The following TBCK variants were observed in gnomAD, a reference collection of about 807,000 sequenced individuals.
TBCK encodes the protein TBC domain-containing protein kinase-like protein.
A neutral mutation model predicts 113.4 loss-of-function variants in TBCK; 99 were observed. The ratio of observed to expected loss-of-function variants is 0.87; its 90% CI spans 0.74 to 1.03. The LOEUF is 1.03. Ranked by LOEUF, TBCK falls within the 50% of genes least tolerant of loss-of-function variation. The pLI, the probability that TBCK is intolerant of heterozygous loss-of-function variation, is 0.00. For synonymous variants in TBCK, 369 were observed against 370.8 expected, an observed-to-expected ratio of 1.00 and a Z score of 0.05; for missense variants, 1,045 against 1,061.3, an observed-to-expected ratio of 0.98 and a Z score of 0.21.
chr4:106,235,299 A>T lies in TBCK; in HGVS notation c.1419T>A (p.Gly473=). The part of the protein sequence containing the change: ...ARVDIPPLMR[G]LTWAALLGVE... ...CTCCCAGAAGAGCAGCCCAGGTTAA[A>T]CCTCTCATAAGAGGAGGAATGTCAA... is the stretch of plus-strand genomic sequence containing the variant. Residue 473 remains glycine, a synonymous_variant, in exon 15 of 26, where the codon GGT becomes GGA. Transcript: ENST00000394708. 1 of 1,610,338 alleles carries T rather than the reference A, an allele frequency of 6.2e-7. No homozygotes were observed. Among genetic ancestry groups the T allele is most frequent in the African/African-American group, 1.3e-5 (1 of 74,806 alleles).
At chr4:106,065,601 G>A (rs1408483950) in intron 25 of TBCK, among the ~76,000 whole-genome samples, 4 of 151,898 alleles carry the variant, frequency 2.6e-5, no homozygotes, top group Admixed American at 6.6e-5. Flanking sequence ...GCACAAAAAC[G>A]GGTCTACCCT....
chr4:106,132,824 A>G (rs1431494308), intron 23 of TBCK, among the ~76,000 whole-genome samples: 7 of 152,174 alleles, frequency 4.6e-5, no homozygotes, highest in African/African-American at 1.7e-4. Context: ...AAGTTTAATG[A>G]CTGCCTTATT....
chr4:106,043,781 G>T lies in TBCK; in HGVS notation c.*2789C>A, dbSNP rs1733993177. On this transcript the variant is annotated 3_prime_UTR_variant, in exon 26 of 26. Coordinates refer to ENST00000394708, the MANE Select transcript of TBCK (RefSeq NM_001163435.3). The stretch of plus-strand genomic sequence containing the variant: ...TGTATGTATATCTGTGTGGGCTGGT[G>T]GTGGTACTTATGGCATTCCAGGTAA... 1 of 151,852 alleles carries T rather than the reference G, an allele frequency of 6.6e-6. No individual in the cohort carries two copies. The highest frequency in any genetic ancestry group is 2.4e-5 in the African/African-American group (1 of 41,346). The allele number at this position is 151,852 out of a possible 1,614,324, so 9.4% of individuals were successfully genotyped here.
chr4:106,316,233 T>A (rs1393460865), upstream of TBCK: 1 of 278,418 alleles, frequency 3.6e-6, no homozygotes, highest in Non-Finnish European at 6.9e-6. Flanking sequence ...CCTGGCCTTT[T>A]CTTCCGCCCT....
At chr4:106,179,065 T>C (rs907755079) in intron 22 of TBCK, among the ~76,000 whole-genome samples, 1 of 152,004 alleles carries the variant, frequency 6.6e-6, no homozygotes, top group African/African-American at 2.4e-5. Context: ...TGTAATTCTG[T>C]AGTATAATTT....
At chr4:106,290,396 T>C (rs1461416216) in intron 3 of TBCK, among the ~76,000 whole-genome samples, 1 of 152,088 alleles carries the variant, frequency 6.6e-6, no homozygotes, top group Admixed American at 6.6e-5. Context: ...CCAGATGGTC[T>C]CGATCTCCTG....
chr4:106,062,594 G>A (rs191905100), intron 25 of TBCK, among the ~76,000 whole-genome samples: 2 of 151,994 alleles, frequency 1.3e-5, no homozygotes. Context: ...TCACAGCCAA[G>A]TTCCAACCTC....
intron 1 of TBCK, chr4:106,315,637 G>A (rs1212389847): frequency 6.6e-6 from 1 of 152,162 alleles, no homozygotes; most frequent in Non-Finnish European, 1.5e-5. Flanking sequence ...TGCCTCCAAG[G>A]TGAGTAATGG....
Position 106,260,507 on chromosome 4 carries a change from G to A in TBCK, c.385C>T (p.His129Tyr), listed in dbSNP as rs2150094611. 1 of 1,240,230 alleles carries A rather than the reference G, an allele frequency of 8.1e-7. No individual in the cohort carries two copies. The highest frequency in any genetic ancestry group is 1.1e-6 in the Non-Finnish European group (1 of 919,198). The allele number at this position is 1,240,230 out of a possible 1,614,324, so 76.8% of individuals were successfully genotyped here. ...AGTCCAAATTTAGCCAATTTAATATGTCCCTATGATAATAAAGAAAAAAAA... is the reference window on the plus strand; with the variant it reads ...AGTCCAAATTTAGCCAATTTAATATATCCCTATGATAATAAAGAAAAAAAA... ...PHNILLDRKG[H>Y]IKLAKFGLYH... The change falls in exon 5 of 26, where the codon CAT becomes TAT. Residue 129 changes from histidine to tyrosine, a missense_variant. Coordinates refer to ENST00000394708, the MANE Select transcript of TBCK (RefSeq NM_001163435.3).
intron 25 of TBCK, among the ~76,000 whole-genome samples, chr4:106,079,605 G>A (rs1255201714): frequency 6.6e-6 from 1 of 152,122 alleles, no homozygotes; most frequent in Admixed American, 6.5e-5. Flanking sequence ...TAACTAAGAA[G>A]GTGAAAGATC....
chr4:106,059,793 C>T (rs1222619222), intron 25 of TBCK, among the ~76,000 whole-genome samples: 1 of 151,658 alleles, frequency 6.6e-6, no homozygotes, highest in Non-Finnish European at 1.5e-5. Context: ...CCAAGATAGC[C>T]CAAAAGTTGG....
At chr4:106,158,645 TTGA>T (rs1180209723) in intron 23 of TBCK, among the ~76,000 whole-genome samples, 3 of 151,996 alleles carry the variant, frequency 2.0e-5, no homozygotes, top group Admixed American at 1.3e-4. Flanking sequence ...AGCAGGGAAA[TTGA>T]ATCAGTAATA....
intron 22 of TBCK, among the ~76,000 whole-genome samples, chr4:106,183,881 G>A (rs1298759514): frequency 2.0e-5 from 3 of 151,900 alleles, no homozygotes; most frequent in Non-Finnish European, 2.9e-5. Flanking sequence ...ATTTGTCCTT[G>A]TTATGATCCT....
At chr4:106,312,840 G>A (rs1009301110) in intron 1 of TBCK, among the ~76,000 whole-genome samples, 1 of 152,150 alleles carries the variant, frequency 6.6e-6, no homozygotes, top group African/African-American at 2.4e-5. Flanking sequence ...CATACTGTAT[G>A]ACTCCATTTA....
chr4:106,267,778 T>C (rs769633493), intron 3 of TBCK, among the ~76,000 whole-genome samples: 1 of 152,136 alleles, frequency 6.6e-6, no homozygotes, highest in African/African-American at 2.4e-5. Flanking sequence ...CCAAGTATAT[T>C]TTTTTATCCC....
At position 106,141,076 on chromosome 4, in the gene TBCK, GC is replaced by G. The variant is rs1463024997; in HGVS notation, c.2236-24699del. 2.9e-5 allele frequency among the ~76,000 whole-genome samples: 4 copies of G among 139,710 alleles called. 1 individual carries two copies. The highest frequency in any genetic ancestry group is 5.0e-5 in the African/African-American group (2 of 39,670). The allele number at this position is 139,710 out of a possible 152,430, so 91.7% of individuals were successfully genotyped here. ...TGACATAATAAAATTTATCTCTCAAGCAAAAAGACAGCAAAACAATAGAAAC... is the reference window on the plus strand; with the variant it reads ...TGACATAATAAAATTTATCTCTCAAGAAAAAGACAGCAAAACAATAGAAAC... On this transcript the variant is annotated intron_variant, in intron 23 of 25. Coordinates refer to ENST00000394708, the MANE Select transcript of TBCK (RefSeq NM_001163435.3).
chr4:106,183,562 G>A (rs138820785), intron 22 of TBCK, among the ~76,000 whole-genome samples: 1 of 152,064 alleles, frequency 6.6e-6, no homozygotes, highest in East Asian at 1.9e-4. Flanking sequence ...TATGGCCCCA[G>A]TGCATAATAC....
intron 25 of TBCK, among the ~76,000 whole-genome samples, chr4:106,066,808 G>C (rs1408922720): frequency 1.3e-5 from 2 of 151,910 alleles, no homozygotes; most frequent in African/African-American, 4.8e-5. Flanking sequence ...ATTATACTTA[G>C]CATAATATTT....
chr4:106,180,668 T>C (rs1752250657), intron 22 of TBCK, among the ~76,000 whole-genome samples: 1 of 152,154 alleles, frequency 6.6e-6, no homozygotes, highest in Non-Finnish European at 1.5e-5. Context: ...TCGCTGAGAA[T>C]GATGGTTTCC....
Sources: allele counts gnomAD v4.1 joint callset (sites outside exome capture counted in the v4.1 genomes callset), GRCh38; gene constraint gnomAD v4.1.1; transcripts MANE v1.5; gene names NCBI Gene and HGNC (gene_info 2026-07-23, HGNC 2026-07-21).